Variants in SPECC1 observed in about 807,000 individuals in gnomAD.
SPECC1 encodes the protein sperm antigen with calponin homology and coiled-coil domains 1, also known as cytospin-B.
A neutral mutation model predicts 104.1 loss-of-function variants in SPECC1; 62 were observed. That is an observed-to-expected ratio of 0.60 (90% CI 0.49 to 0.74). The LOEUF (loss-of-function observed/expected upper bound fraction) is 0.74, where lower values mean the gene tolerates loss of function less well. SPECC1 is among the 30% of genes least tolerant of loss of function. The probability of loss-of-function intolerance (pLI) is 0.00; values close to 1 mark genes in which losing one functional copy is unlikely to be tolerated. For synonymous variants in SPECC1, 513 were observed against 501.6 expected (o/e 1.02, Z -0.30); for missense variants, 1,306 against 1,310.5 (o/e 1.00, Z 0.05).
intron 1 of SPECC1, among the ~76,000 whole-genome samples, chr17:20,049,540 T>C (rs2045662097): frequency 6.6e-6 from 1 of 152,172 alleles, no homozygotes; most frequent in Non-Finnish European, 1.5e-5. Flanking sequence ...GTTTTTTTGT[T>C]GGGTTTATAT....
intron 7 of SPECC1, among the ~76,000 whole-genome samples, chr17:20,240,548 C>T (rs905117245): frequency 6.6e-6 from 1 of 152,136 alleles, no homozygotes; most frequent in African/African-American, 2.4e-5. Context: ...GATGCACACA[C>T]ATATGCAGGC....
chr17:20,103,996 G>A (rs1294830072), intron 2 of SPECC1, among the ~76,000 whole-genome samples: 1 of 152,196 alleles, frequency 6.6e-6, no homozygotes, highest in African/African-American at 2.4e-5. Flanking sequence ...CGTGTGAAAT[G>A]TTGCTGCATC....
chr17:20,154,131 C>G (rs1387146829), intron 3 of SPECC1, among the ~76,000 whole-genome samples: 1 of 152,168 alleles, frequency 6.6e-6, no homozygotes, highest in Non-Finnish European at 1.5e-5. Flanking sequence ...TGCCTGCAGC[C>G]TATACATTGG....
chr17:20,058,398 G>A (rs1255007659), intron 1 of SPECC1, among the ~76,000 whole-genome samples: 2 of 152,162 alleles, frequency 1.3e-5, no homozygotes, highest in Non-Finnish European at 2.9e-5. Context: ...GGGAGGCCAA[G>A]GAAGGAGGAT....
intron 2 of SPECC1, among the ~76,000 whole-genome samples, chr17:20,105,264 A>G (rs985886067): frequency 2.6e-5 from 4 of 152,282 alleles, no homozygotes; most frequent in Non-Finnish European, 2.9e-5. Flanking sequence ...TAATTTTTAA[A>G]AAAGATTATT....
chr17:20,140,276 GT>G (rs369144461), intron 3 of SPECC1, among the ~76,000 whole-genome samples: 45 of 152,244 alleles, frequency 3.0e-4, no homozygotes, highest in African/African-American at 1.0e-3. Context: ...GTTGATTGAA[GT>G]TTTTTTAAAC....
At position 20,034,257 on chromosome 17, in the gene SPECC1, C is replaced by G. The variant is rs993244841; in HGVS notation, c.-22+24833C>G. 3.1e-4 allele frequency among the ~76,000 whole-genome samples: 47 copies of G among 151,362 alleles called. 1 individual carries two copies. Among genetic ancestry groups the G allele is most frequent in the African/African-American group, 1.1e-3 (45 of 40,838 alleles). ...GGATTACAGGCATGCACCATGACAC[C>G]CGGCTAATTTTTTATATTTTTGGTA... On this transcript the variant is annotated intron_variant, in intron 1 of 14. Transcript: ENST00000395527.
In SPECC1 at chr17:20,168,152, C is replaced by G. The variant is rs1597867744; in HGVS notation, c.284-36181C>G. ...GTTAATACTGTTTCTGATACCAAAGCTTTTCAAAGATGGTATGAACAAAGA... is the reference window on the plus strand; with the variant it reads ...GTTAATACTGTTTCTGATACCAAAGGTTTTCAAAGATGGTATGAACAAAGA... On this transcript the variant is annotated intron_variant, in intron 3 of 14. Coordinates refer to ENST00000395527, the MANE Select transcript of SPECC1 (RefSeq NM_001243439.2). Among the ~76,000 whole-genome samples, 3 of 152,160 alleles carry G rather than the reference C, an allele frequency of 2.0e-5. 1 individual carries two copies. The South Asian group carries it at 6.2e-4, about 32-fold the overall frequency.
chr17:20,223,393 C>T (rs749250901), intron 4 of SPECC1, among the ~76,000 whole-genome samples: 9 of 152,194 alleles, frequency 5.9e-5, no homozygotes, highest in African/African-American at 1.7e-4. Flanking sequence ...ATTTCAATCT[C>T]GGCCGGGTGC....
intron 1 of SPECC1, among the ~76,000 whole-genome samples, chr17:20,072,877 G>C (rs1398767964): frequency 6.6e-6 from 1 of 152,160 alleles, no homozygotes; most frequent in Non-Finnish European, 1.5e-5. Flanking sequence ...AACACATGTT[G>C]CTTGTTTACC....
chr17:20,260,079 T>C, intron 11 of SPECC1, 113 bp from the exon 12 acceptor site: 1 of 727,048 alleles, frequency 1.4e-6, no homozygotes, highest in African/African-American at 1.8e-5. Flanking sequence ...CTTTAGAATC[T>C]TGCTGGATAA....
rs148926848 is a variant in SPECC1 at position 20,069,220 on chromosome 17, G to A, written c.-21-27411G>A. 4.5e-3 allele frequency among the ~76,000 whole-genome samples: 683 copies of A among 152,346 alleles called. 9 individuals carry two copies. Among genetic ancestry groups the A allele is most frequent in the African/African-American group, 0.015 (642 of 41,576 alleles). ...ATGCAGTATTCGGTTTTCTGTTCCT[G>A]CATTAGCTGGAGGCTGAGGATAATG... On this transcript the variant is annotated intron_variant, in intron 1 of 14. Transcript: ENST00000395527.
intron 4 of SPECC1, among the ~76,000 whole-genome samples, chr17:20,212,302 T>C (rs1156668430): frequency 6.6e-6 from 1 of 152,180 alleles, no homozygotes; most frequent in African/African-American, 2.4e-5. Context: ...CCAAGCTAGA[T>C]GCCAGAACAG....
At chr17:20,173,603 ATTGGAGAGTGTGTAGACTGCCG>A (rs2034249258) in intron 3 of SPECC1, among the ~76,000 whole-genome samples, 9 of 152,188 alleles carry the variant, frequency 5.9e-5, no homozygotes, top group Non-Finnish European at 1.2e-4. Context: ...AACTTGCCTT[ATTGGAGAGTGTGTAGACTGCCG>A]TTTTAAACTG....
At chr17:20,157,179 G>A (rs897704085) in intron 3 of SPECC1, among the ~76,000 whole-genome samples, 2 of 152,176 alleles carry the variant, frequency 1.3e-5, no homozygotes, top group Non-Finnish European at 2.9e-5. Flanking sequence ...TGGCCTCTGC[G>A]CATTGCTTCT....
At chr17:20,097,305 G>C (rs186883902) in intron 2 of SPECC1, among the ~76,000 whole-genome samples, 1 of 152,298 alleles carries the variant, frequency 6.6e-6, no homozygotes, top group Admixed American at 6.5e-5. Context: ...CTCTTTTCTA[G>C]CTGCATTCAT....
chr17:20,291,795 T>C (rs527265115), intron 12 of SPECC1, among the ~76,000 whole-genome samples: 4 of 152,116 alleles, frequency 2.6e-5, no homozygotes, highest in African/African-American at 7.2e-5. Flanking sequence ...TCTGCCTGCA[T>C]TGGCCTCCCA....
chr17:20,245,955 A>T lies in SPECC1; in HGVS notation c.2381A>T (p.Glu794Val), dbSNP rs759726714. ...PPVDEEPESS[E>V]VDAAGRWPGV... Reference sequence around the variant, plus strand: ...GTGGATGAAGAGCCAGAGTCCTCTGAGGTCGATGCTGCTGGTCGGTGGCCT... The same window carrying T: ...GTGGATGAAGAGCCAGAGTCCTCTGTGGTCGATGCTGCTGGTCGGTGGCCT... The change falls in exon 8 of 15, where the codon GAG (glutamate) becomes GTG (valine). Residue 794 changes from glutamate to valine, a missense_variant. Transcript: ENST00000395527. The T allele has an allele frequency of 1.2e-6, 2 of 1,614,024 alleles. No homozygotes were observed. Among genetic ancestry groups the T allele is most frequent in the Admixed American group, 1.7e-5 (1 of 59,998 alleles).
intron 12 of SPECC1, among the ~76,000 whole-genome samples, chr17:20,265,858 C>T (rs993434420): frequency 6.6e-6 from 1 of 152,138 alleles, no homozygotes; most frequent in Non-Finnish European, 1.5e-5. Context: ...GAATTCTCTT[C>T]CCATTGCTTG....
Sources: allele counts gnomAD v4.1 joint callset (sites outside exome capture counted in the v4.1 genomes callset), GRCh38; gene constraint gnomAD v4.1.1; transcripts MANE v1.5; gene names NCBI Gene and HGNC (gene_info 2026-07-23, HGNC 2026-07-21).